The following ROR2 variants were observed in gnomAD, a reference collection of about 807,000 sequenced individuals.
ROR2 encodes tyrosine-protein kinase transmembrane receptor ROR2.
ROR2 carries 33 observed loss-of-function variants against 74.9 expected under a neutral mutation model. That is an observed-to-expected ratio of 0.44 (90% CI 0.33 to 0.59). The LOEUF is 0.59. Among genes scored for constraint, ROR2 ranks in the 20% least tolerant of loss-of-function variants. The probability of loss-of-function intolerance (pLI) is 0.02; values close to 1 mark genes in which losing one functional copy is unlikely to be tolerated. For synonymous variants in ROR2, 586 were observed against 558.7 expected (o/e 1.05, Z -0.69); for missense variants, 1,216 against 1,313.8 (o/e 0.93, Z 1.15).
At chr9:91,781,863 T>C (rs1826629757) in intron 1 of ROR2, among the ~76,000 whole-genome samples, 1 of 152,222 alleles carries the variant, frequency 6.6e-6, no homozygotes, top group South Asian at 2.1e-4. Flanking sequence ...GCAAACGTAT[T>C]AAACCTCCAA....
chr9:91,776,010 G>A (rs1162960789), intron 1 of ROR2, among the ~76,000 whole-genome samples, 192 bp from the exon 2 acceptor site: 2 of 152,228 alleles, frequency 1.3e-5, no homozygotes, highest in East Asian at 1.9e-4. Flanking sequence ...AACAGTAAAA[G>A]TGATTTTGAA....
chr9:91,940,710 TC>T (rs1831828706), intron 1 of ROR2, among the ~76,000 whole-genome samples: 3 of 39,850 alleles, frequency 7.5e-5, no homozygotes, highest in African/African-American at 5.8e-4. Flanking sequence ...TCCTCCTGTC[TC>T]TGTCTCGGCC....
At position 91,724,185 on chromosome 9, in the gene ROR2, G is replaced by A. The variant is rs1564227654; in HGVS notation, c.2309C>T (p.Thr770Ile). ...CACTGGGCTGGTGCTCAGGGAGCTG[G>A]TCTGCGTGGTGTTGCTGGCCCCCGA... Reference protein sequence around the residue: ...QTSGASNTTQTSSLSTSPVSN... With the variant: ...QTSGASNTTQISSLSTSPVSN... Residue 770 changes from threonine to isoleucine, a missense_variant, in exon 9 of 9, where the codon ACC (threonine) becomes ATC (isoleucine). Coordinates refer to ENST00000375708, the MANE Select transcript of ROR2 (RefSeq NM_004560.4). 1.2e-6 allele frequency: 2 copies of A among 1,612,798 alleles called. No individual in the cohort carries two copies. The highest frequency in any genetic ancestry group is 1.7e-5 in the Admixed American group (1 of 60,026).
chr9:91,783,816 C>T (rs886330317), intron 1 of ROR2, among the ~76,000 whole-genome samples: 7 of 152,312 alleles, frequency 4.6e-5, no homozygotes, highest in South Asian at 2.1e-4. Context: ...CACACAGCCC[C>T]CATTCCACGC....
At chr9:91,839,770 CCT>C (rs1299391607) in intron 1 of ROR2, among the ~76,000 whole-genome samples, 9 of 151,250 alleles carry the variant, frequency 6.0e-5, no homozygotes, top group Admixed American at 5.9e-4. Flanking sequence ...TGTGTGTCTG[CCT>C]CTCTACTGGG....
At chr9:91,854,484 G>C (rs1320522740) in intron 1 of ROR2, among the ~76,000 whole-genome samples, 1 of 152,256 alleles carries the variant, frequency 6.6e-6, no homozygotes, top group African/African-American at 2.4e-5. Flanking sequence ...TCCATTTGCA[G>C]AGTTGTCACT....
At chr9:91,785,269 G>A (rs1826759189) in intron 1 of ROR2, among the ~76,000 whole-genome samples, 2 of 152,182 alleles carry the variant, frequency 1.3e-5, no homozygotes, top group South Asian at 4.1e-4. Flanking sequence ...CAGGGTCCCT[G>A]TGCATATGGT....
At chr9:91,792,386 C>T (rs1452103839) in intron 1 of ROR2, among the ~76,000 whole-genome samples, 2 of 79,984 alleles carry the variant, frequency 2.5e-5, no homozygotes, top group African/African-American at 1.4e-4. Context: ...CAGCTCACTG[C>T]AAGCTCCCGC....
chr9:91,940,995 C>CTTT (rs11321454), intron 1 of ROR2, among the ~76,000 whole-genome samples: 22 of 110,724 alleles, frequency 2.0e-4, no homozygotes, highest in Non-Finnish European at 2.6e-4. Flanking sequence ...ATTTTTAATT[C>CTTT]TTTTTTTTTT....
chr9:91,912,129 T>C lies in ROR2; in HGVS notation c.97+37738A>G, dbSNP rs140644484. On this transcript the variant is annotated intron_variant, in intron 1 of 8. Coordinates refer to ENST00000375708, the MANE Select transcript of ROR2 (RefSeq NM_004560.4). Reference sequence around the variant, plus strand: ...CTGGATCACACAAAACAGACATTAGTGAGAAAACTGCTAATTAGAGATTCA... The same window carrying C: ...CTGGATCACACAAAACAGACATTAGCGAGAAAACTGCTAATTAGAGATTCA... 2.6e-3 allele frequency among the ~76,000 whole-genome samples: 388 copies of C among 150,754 alleles called. 1 individual carries two copies. Among genetic ancestry groups the C allele is most frequent in the African/African-American group, 9.3e-3 (375 of 40,426 alleles).
At chr9:91,821,219 C>T (rs1346202925) in intron 1 of ROR2, among the ~76,000 whole-genome samples, 1 of 152,194 alleles carries the variant, frequency 6.6e-6, no homozygotes, top group Non-Finnish European at 1.5e-5. Flanking sequence ...AGAACCAACC[C>T]TGCCCACACC....
At chr9:91,849,820 C>G (rs1282908597) in intron 1 of ROR2, among the ~76,000 whole-genome samples, 1 of 152,172 alleles carries the variant, frequency 6.6e-6, no homozygotes. Flanking sequence ...GTAGGAATAT[C>G]GTGTTTTGAA....
chr9:91,827,425 T>C (rs906262067), intron 1 of ROR2, among the ~76,000 whole-genome samples: 5 of 152,118 alleles, frequency 3.3e-5, no homozygotes, highest in Non-Finnish European at 1.5e-5. Context: ...AATAAATAAA[T>C]AAACATTTCT....
chr9:91,918,191 C>A (rs972484369), intron 1 of ROR2, among the ~76,000 whole-genome samples: 1 of 150,660 alleles, frequency 6.6e-6, no homozygotes, highest in African/African-American at 2.5e-5. Context: ...TGGTGTGAAT[C>A]CGGGAGGCGG....
intron 1 of ROR2, among the ~76,000 whole-genome samples, chr9:91,843,461 C>T (rs868189608): frequency 2.0e-5 from 3 of 152,344 alleles, no homozygotes; most frequent in African/African-American, 7.2e-5. Flanking sequence ...ATACGTCCTT[C>T]CTGACAGCCC....
intron 1 of ROR2, among the ~76,000 whole-genome samples, chr9:91,854,665 T>C (rs377691097): frequency 4.3e-4 from 66 of 152,308 alleles, no homozygotes; most frequent in African/African-American, 1.6e-3. Flanking sequence ...CTCAGGGCCC[T>C]GGAGTCTCCG....
At chr9:91,763,074 A>T (rs1158594687) in intron 2 of ROR2, among the ~76,000 whole-genome samples, 1 of 152,224 alleles carries the variant, frequency 6.6e-6, no homozygotes, top group Non-Finnish European at 1.5e-5. Context: ...ACACAGGAAC[A>T]AAACCCCAAA....
chr9:91,825,937 C>T (rs1828274954), intron 1 of ROR2, among the ~76,000 whole-genome samples: 1 of 152,254 alleles, frequency 6.6e-6, no homozygotes, highest in African/African-American at 2.4e-5. Flanking sequence ...TTAATGCTGA[C>T]TTACATCAGC....
chr9:91,804,312 G>A (rs1389668992), intron 1 of ROR2, among the ~76,000 whole-genome samples: 4 of 152,160 alleles, frequency 2.6e-5, no homozygotes, highest in Non-Finnish European at 2.9e-5. Flanking sequence ...GATTTGAAAC[G>A]TTGAGGCAAT....
Sources: gnomAD v4.1 joint callset for allele counts (sites outside exome capture counted in the v4.1 genomes callset) on GRCh38, gnomAD v4.1.1 for gene constraint, MANE v1.5 for transcripts, NCBI Gene and HGNC (gene_info 2026-07-23, HGNC 2026-07-21) for gene names.